Variants in MGAT4A observed in about 807,000 individuals in gnomAD.
MGAT4A encodes alpha-1,3-mannosyl-glycoprotein 4-beta-N-acetylglucosaminyltransferase A.
Under a neutral mutation model 74.1 loss-of-function variants are expected in MGAT4A, and 33 were observed. The ratio of observed to expected loss-of-function variants is 0.45; its 90% CI spans 0.34 to 0.60. The LOEUF (loss-of-function observed/expected upper bound fraction) is 0.60. Among genes scored for constraint, MGAT4A ranks in the 20% least tolerant of loss-of-function variants. The pLI is 0.02. For synonymous variants in MGAT4A, 198 were observed against 210.4 expected, an observed-to-expected ratio of 0.94 and a Z score of 0.51; for missense variants, 479 against 628.3, an observed-to-expected ratio of 0.76 and a Z score of 2.54.
chr2:98,695,360 A>G (rs1559171208), intron 2 of MGAT4A: 1 of 205,402 alleles, frequency 4.9e-6, no homozygotes, highest in East Asian at 1.1e-4. Context: ...TGATGAAGCC[A>G]CTGCAGAACC....
At chr2:98,652,331 T>A (rs1031680495) in intron 8 of MGAT4A, among the ~76,000 whole-genome samples, 1 of 144,964 alleles carries the variant, frequency 6.9e-6, no homozygotes, top group Non-Finnish European at 1.5e-5. Context: ...TCAACAATTT[T>A]TTTTTTTTTT....
intron 4 of MGAT4A, among the ~76,000 whole-genome samples, chr2:98,669,579 AAAATTT>A (rs1159839115): frequency 1.7e-4 from 26 of 152,376 alleles, no homozygotes; most frequent in Admixed American, 1.6e-3. Context: ...TTTTAGAGTT[AAAATTT>A]AAATTATTTA....
intron 2 of MGAT4A, among the ~76,000 whole-genome samples, chr2:98,709,324 C>T (rs1172441649): frequency 2.0e-5 from 3 of 152,050 alleles, no homozygotes; most frequent in African/African-American, 4.8e-5. Flanking sequence ...GAGGTCCAAT[C>T]GGTTCTATTA....
chr2:98,656,901 TGG>T (rs1401675588), intron 6 of MGAT4A, among the ~76,000 whole-genome samples: 1 of 152,212 alleles, frequency 6.6e-6, no homozygotes, highest in African/African-American at 2.4e-5. Context: ...GCTTTGCTTG[TGG>T]GTTATAGACC....
intron 2 of MGAT4A, among the ~76,000 whole-genome samples, chr2:98,716,821 A>G (rs1278437263): frequency 1.3e-5 from 2 of 152,160 alleles, no homozygotes; most frequent in Admixed American, 6.5e-5. Context: ...ACTTTAAATC[A>G]TCTCTAGATT....
At chr2:98,667,696 T>TTTGTTGTTGTTGTTG (rs142922685) in intron 4 of MGAT4A, among the ~76,000 whole-genome samples, 163 of 150,270 alleles carry the variant, frequency 1.1e-3, no homozygotes, top group African/African-American at 3.6e-3. Flanking sequence ...GCATTCAGTT[T>TTTGTTGTTGTTGTTG]TTGTTGTTGT....
intron 2 of MGAT4A, among the ~76,000 whole-genome samples, chr2:98,703,129 C>A (rs1348583667): frequency 6.6e-6 from 1 of 152,064 alleles, no homozygotes; most frequent in African/African-American, 2.4e-5. Context: ...GTTAAAAGAA[C>A]TAATGAAGCC....
rs1575236185 is a variant in MGAT4A, at chr2:98,622,791, C to A, written c.*2775G>T. 4 of 985,606 alleles carry A rather than the reference C, an allele frequency of 4.1e-6. No homozygotes were observed. In the East Asian group the frequency reaches 3.4e-4, roughly 84 times the overall value. The allele number at this position is 985,606 out of a possible 1,614,324, so 61.1% of individuals were successfully genotyped here. ...AGACAGCACACACCATACACACAAA[C>A]AATCAAAAACTAGACAACCGATTGT... is the stretch of plus-strand genomic sequence containing the variant. On this transcript the variant is annotated 3_prime_UTR_variant, in exon 16 of 16. Transcript: ENST00000393487.
At chr2:98,700,694 C>A (rs12464653) in intron 2 of MGAT4A, among the ~76,000 whole-genome samples, 40,573 of 151,864 alleles carry the variant, frequency 0.27, 6,345 homozygotes, top group Non-Finnish European at 0.36. Context: ...AGTTTGAGAC[C>A]AGCCTGGCTA....
At chr2:98,700,427 G>GTC (rs1283958331) in intron 2 of MGAT4A, among the ~76,000 whole-genome samples, 1 of 149,828 alleles carries the variant, frequency 6.7e-6, no homozygotes, top group Non-Finnish European at 1.5e-5. Flanking sequence ...TGCATTATCT[G>GTC]TCTATCTATC....
intron 9 of MGAT4A, 72 bp from the exon 10 acceptor site, chr2:98,644,125 C>A: frequency 1.4e-6 from 2 of 1,412,248 alleles, no homozygotes; most frequent in South Asian, 1.6e-5. Context: ...TTCATGAAAT[C>A]TTGCCCACGA....
chr2:98,728,534 G>A (rs1702797013), intron 1 of MGAT4A, among the ~76,000 whole-genome samples: 1 of 151,872 alleles, frequency 6.6e-6, no homozygotes, highest in Non-Finnish European at 1.5e-5. Flanking sequence ...GATTACCCGA[G>A]GTCAGGAGTT....
chr2:98,675,661 C>A (rs1177521690), intron 3 of MGAT4A, among the ~76,000 whole-genome samples: 1 of 151,956 alleles, frequency 6.6e-6, no homozygotes, highest in East Asian at 1.9e-4. Flanking sequence ...ATCCTCCCCA[C>A]CTCAGCCTCC....
At position 98,643,845 on chromosome 2, in the gene MGAT4A, A is replaced by AT. The variant is rs991580148; in HGVS notation, c.1020+77dup. 6.3e-5 allele frequency: 85 copies of AT among 1,338,700 alleles called. No individual in the cohort carries two copies. The African/African-American group carries it at 1.2e-3, about 20-fold the overall frequency. The allele number at this position is 1,338,700 out of a possible 1,614,324, so 82.9% of individuals were successfully genotyped here. A position where few individuals can be genotyped will look rare whatever the true frequency, so the allele number is the denominator to read the frequency against. On this transcript the variant is annotated intron_variant, in intron 10 of 15. Coordinates refer to ENST00000393487, the MANE Select transcript of MGAT4A (RefSeq NM_012214.3). ...ATATCACCTACCTATTTAACTATTT[A>AT]TTTGCAAAATCTCTAAAAGTCACTT...
At chr2:98,640,278 T>C (rs1424676245) in intron 10 of MGAT4A, 50 bp from the exon 11 acceptor site, 1 of 1,430,804 alleles carries the variant, frequency 7.0e-7, no homozygotes, top group East Asian at 2.3e-5. Context: ...AGTGAAATCT[T>C]GCCCTCACCT....
intron 2 of MGAT4A, among the ~76,000 whole-genome samples, chr2:98,680,354 T>C (rs959650828): frequency 1.3e-5 from 2 of 152,112 alleles, no homozygotes; most frequent in Non-Finnish European, 2.9e-5. Flanking sequence ...AGAAAGTCTG[T>C]TTTTAATTTA....
chr2:98,677,801 A>ATTTTT lies in MGAT4A; in HGVS notation c.262+498_262+502dup, dbSNP rs70940122. Among the ~76,000 whole-genome samples the ATTTTT allele has an allele frequency of 2.1e-4, 26 of 121,334 alleles. 1 individual carries two copies. Among genetic ancestry groups the ATTTTT allele is most frequent in the Non-Finnish European group, 3.7e-4 (22 of 58,970 alleles). 79.6% of individuals were successfully genotyped at this position (121,334 alleles called of 152,430 possible). Reference sequence around the variant, plus strand: ...TAAAATCAGATTTAGCAGGTAATAAATTTTTTTTTTTTTTTTTTTTTTGTA... The same window carrying ATTTTT: ...TAAAATCAGATTTAGCAGGTAATAAATTTTTTTTTTTTTTTTTTTTTTTTTTTGTA... On this transcript the variant is annotated intron_variant, in intron 3 of 15. Transcript: ENST00000393487.
Position 98,640,002 on chromosome 2 carries a change from C to T in MGAT4A, c.1129-1G>A. On this transcript the variant is annotated splice_acceptor_variant, in intron 11 of 15. Transcript: ENST00000393487. LOFTEE classifies it high-confidence loss of function. ...GTAATGGTTTCATATAATCTTTATC[C>T]TGGGAGCAAAGACATATATGCTATT... 1 of 1,608,076 alleles carries T rather than the reference C, an allele frequency of 6.2e-7. No individual in the cohort carries two copies. The highest frequency in any genetic ancestry group is 8.5e-7 in the Non-Finnish European group (1 of 1,176,838).
chr2:98,669,741 C>G (rs887835492), intron 4 of MGAT4A, among the ~76,000 whole-genome samples: 2 of 152,122 alleles, frequency 1.3e-5, no homozygotes. Context: ...GCCTTCTGAG[C>G]CCATGGTGGG....
Sources: allele counts gnomAD v4.1 joint callset (sites outside exome capture counted in the v4.1 genomes callset), GRCh38; gene constraint gnomAD v4.1.1; transcripts MANE v1.5; gene names NCBI Gene and HGNC (gene_info 2026-07-23, HGNC 2026-07-21).